Variants in SLC25A48 observed in about 807,000 individuals in gnomAD.
SLC25A48 encodes the protein solute carrier family 25 member 48, also known as CTC-321K16.1.
A neutral mutation model predicts 32.2 loss-of-function variants in SLC25A48; 29 were observed. That is an observed-to-expected ratio of 0.90 (90% confidence interval 0.67 to 1.23). The LOEUF (loss-of-function observed/expected upper bound fraction) is 1.23. Among genes scored for constraint, SLC25A48 ranks in the 50% most tolerant of loss-of-function variants. The pLI is 0.00. For missense variants in SLC25A48, 399 were observed against 422.7 expected (o/e 0.94, Z 0.49); for synonymous variants, 164 against 172.3 (o/e 0.95, Z 0.38).
intron 3 of SLC25A48, among the ~76,000 whole-genome samples, chr5:135,728,284 A>G (rs1190604056): frequency 6.6e-6 from 1 of 151,880 alleles, no homozygotes; most frequent in African/African-American, 2.4e-5. Context: ...GTGGCTTTCT[A>G]TAGTTAGCAT....
chr5:135,739,616 G>A (rs1346307500), intron 3 of SLC25A48, among the ~76,000 whole-genome samples: 1 of 152,208 alleles, frequency 6.6e-6, no homozygotes, highest in Non-Finnish European at 1.5e-5. Flanking sequence ...GGGTCAGGGT[G>A]TGTCCCATCA....
chr5:135,659,778 A>G (rs1753347372), intron 3 of SLC25A48, among the ~76,000 whole-genome samples: 1 of 152,222 alleles, frequency 6.6e-6, no homozygotes, highest in Non-Finnish European at 1.5e-5. Flanking sequence ...AAGCAAGCAC[A>G]TCTTCACATA....
chr5:135,813,500 GAT>G (rs1238021083), intron 4 of SLC25A48, among the ~76,000 whole-genome samples: 3 of 152,252 alleles, frequency 2.0e-5, no homozygotes, highest in South Asian at 4.1e-4. Flanking sequence ...CAGGGCCATA[GAT>G]GGGGCGAGAG....
chr5:135,799,396 C>T (rs377191782), intron 3 of SLC25A48, among the ~76,000 whole-genome samples: 56 of 151,402 alleles, frequency 3.7e-4, no homozygotes, highest in Admixed American at 1.4e-3. Context: ...AGTGCCCCCC[C>T]GCCCCGTGAT....
intron 3 of SLC25A48, among the ~76,000 whole-genome samples, chr5:135,666,212 C>T (rs1262510431): frequency 6.6e-6 from 1 of 152,182 alleles, no homozygotes; most frequent in African/African-American, 2.4e-5. Context: ...CTCAGTGTCC[C>T]ATCCACAAAG....
chr5:135,750,403 C>T (rs1755742144), intron 3 of SLC25A48, among the ~76,000 whole-genome samples: 1 of 152,176 alleles, frequency 6.6e-6, no homozygotes, highest in South Asian at 2.1e-4. Flanking sequence ...CTCACTCTCC[C>T]ACTGGCCTTG....
At chr5:135,589,537 G>T (rs1751458373) in intron 1 of SLC25A48, among the ~76,000 whole-genome samples, 1 of 152,158 alleles carries the variant, frequency 6.6e-6, no homozygotes. Context: ...GTAACTATTG[G>T]TAACATTTAC....
intron 3 of SLC25A48, among the ~76,000 whole-genome samples, chr5:135,785,380 T>G (rs1249551816): frequency 6.6e-6 from 1 of 150,862 alleles, no homozygotes; most frequent in Non-Finnish European, 1.5e-5. Context: ...CCCCGCCGCT[T>G]GCCCTATGGA....
chr5:135,738,571 A>G (rs1046305233), intron 3 of SLC25A48, among the ~76,000 whole-genome samples: 1 of 152,226 alleles, frequency 6.6e-6, no homozygotes, highest in Non-Finnish European at 1.5e-5. Context: ...AGACTGGTTT[A>G]GTCCCAACTT....
At chr5:135,852,440 C>A in intron 3 of SLC25A48, 123 bp from the exon 4 acceptor site, 2 of 1,243,266 alleles carry the variant, frequency 1.6e-6, no homozygotes, top group Non-Finnish European at 2.2e-6. Context: ...CGCATCAGCA[C>A]CCTCTTCCCC....
intron 1 of SLC25A48, among the ~76,000 whole-genome samples, chr5:135,839,661 G>T (rs550167923): frequency 6.6e-6 from 1 of 152,060 alleles, no homozygotes; most frequent in Non-Finnish European, 1.5e-5. Context: ...GGCCAGGAGT[G>T]GAATGATATA....
chr5:135,770,882 C>T lies in SLC25A48; in HGVS notation c.-520-41641C>T, dbSNP rs372348216. On this transcript the variant is annotated intron_variant, in intron 3 of 10. Transcript: ENST00000646290. Reference sequence around the variant, plus strand: ...CCCAATATTGCAGGGGGTTTACACCCCCTCTCTGATATTGTTCTTAATATC... The same window carrying T: ...CCCAATATTGCAGGGGGTTTACACCTCCTCTCTGATATTGTTCTTAATATC... Among the ~76,000 whole-genome samples the T allele has an allele frequency of 6.6e-3, 1,003 of 151,884 alleles. 14 individuals are homozygous for T. The highest frequency in any genetic ancestry group is 0.023 in the African/African-American group (962 of 41,410).
rs139532287 is a variant in SLC25A48 at position 135,598,850 on chromosome 5, T to C, written c.-849+19253T>C. Among the ~76,000 whole-genome samples, 81 of 152,290 alleles carry C rather than the reference T, an allele frequency of 5.3e-4. 2 individuals are homozygous for C. The South Asian group carries it at 8.3e-3, about 16-fold the overall frequency. ...AGAGGCATCCTGTGCGCAGCGTCCG[T>C]AAACCAGCAGAACCAGTCTGTGGTC... On this transcript the variant is annotated intron_variant, in intron 1 of 10. Coordinates refer to the SLC25A48 transcript ENST00000646290.
intron 3 of SLC25A48, among the ~76,000 whole-genome samples, chr5:135,729,781 A>C (rs1211853621): frequency 1.3e-5 from 2 of 152,176 alleles, no homozygotes; most frequent in Non-Finnish European, 2.9e-5. Flanking sequence ...TTCTCATCTA[A>C]AAGTAATAGG....
chr5:135,689,111 T>C (rs1229083672), intron 3 of SLC25A48, among the ~76,000 whole-genome samples: 1 of 152,222 alleles, frequency 6.6e-6, no homozygotes, highest in East Asian at 1.9e-4. Flanking sequence ...CACTATGCTT[T>C]GCTGCTTCTG....
intron 4 of SLC25A48, among the ~76,000 whole-genome samples, chr5:135,861,536 A>G (rs1313868315): frequency 6.6e-6 from 1 of 152,270 alleles, no homozygotes; most frequent in Non-Finnish European, 1.5e-5. Flanking sequence ...TGTATTATAC[A>G]TGAAGACCTC....
At chr5:135,845,149 C>G (rs4343834) in intron 2 of SLC25A48, among the ~76,000 whole-genome samples, 2 of 152,166 alleles carry the variant, frequency 1.3e-5, no homozygotes, top group Non-Finnish European at 2.9e-5. Context: ...CGAGGGAGAA[C>G]CTGCCACATG....
intron 3 of SLC25A48, among the ~76,000 whole-genome samples, chr5:135,721,727 A>G (rs1321965712): frequency 2.0e-5 from 3 of 152,178 alleles, no homozygotes; most frequent in African/African-American, 7.2e-5. Context: ...GAGACTTCTC[A>G]AGGGGTGCAG....
intron 2 of SLC25A48, among the ~76,000 whole-genome samples, chr5:135,848,554 T>C (rs1759596493): frequency 6.6e-6 from 1 of 152,234 alleles, no homozygotes; most frequent in Non-Finnish European, 1.5e-5. Flanking sequence ...CCAGCTCTTC[T>C]TATCCTTGGT....
Sources: allele counts gnomAD v4.1 joint callset (sites outside exome capture counted in the v4.1 genomes callset), GRCh38; gene constraint gnomAD v4.1.1; transcripts MANE v1.5; gene names NCBI Gene and HGNC (gene_info 2026-07-23, HGNC 2026-07-21).